The following SYN2 variants were observed in gnomAD, a reference collection of about 807,000 sequenced individuals.
SYN2 encodes the protein synapsin-2.
A neutral mutation model predicts 50.9 loss-of-function variants in SYN2; 19 were observed. The ratio of observed to expected loss-of-function variants is 0.37; its 90% CI spans 0.26 to 0.55. The LOEUF is 0.55. Among genes scored for constraint, SYN2 ranks in the 20% least tolerant of loss-of-function variants. The pLI, the probability that SYN2 is intolerant of heterozygous loss-of-function variation, is 0.81. For missense variants in SYN2, 587 were observed against 576.4 expected (o/e 1.02, Z -0.19); for synonymous variants, 255 against 224.9 (o/e 1.13, Z -1.20).
intron 10 of SYN2, among the ~76,000 whole-genome samples, chr3:12,174,452 C>T (rs1242763897): frequency 5.9e-5 from 9 of 152,070 alleles, no homozygotes; most frequent in Admixed American, 2.0e-4. Context: ...TTGTATTAGG[C>T]TGTGCTCTCT....
At chr3:12,009,498 A>G (rs1275642533) in intron 1 of SYN2, among the ~76,000 whole-genome samples, 4 of 152,250 alleles carry the variant, frequency 2.6e-5, no homozygotes, top group Admixed American at 6.5e-5. Context: ...CATCTAGCCT[A>G]GAGAAATGGA....
chr3:12,130,683 C>T (rs1391667329), intron 1 of SYN2, among the ~76,000 whole-genome samples: 1 of 152,178 alleles, frequency 6.6e-6, no homozygotes, highest in Non-Finnish European at 1.5e-5. Context: ...AATTAACTGT[C>T]ATAGATGTGC....
At chr3:12,076,117 A>AT (rs1574926271) in intron 1 of SYN2, among the ~76,000 whole-genome samples, 1 of 152,154 alleles carries the variant, frequency 6.6e-6, no homozygotes, top group East Asian at 1.9e-4. Context: ...ACTAGAATAT[A>AT]TGCCTGACTC....
At chr3:12,050,137 G>A (rs77229047) in intron 1 of SYN2, among the ~76,000 whole-genome samples, 13,724 of 152,014 alleles carry the variant, frequency 0.09, 2,033 homozygotes, top group African/African-American at 0.31. Flanking sequence ...ATGACCTCAG[G>A]CGATTCACCC....
intron 1 of SYN2, among the ~76,000 whole-genome samples, chr3:12,044,177 T>TCACA: frequency 1.6e-5 from 1 of 60,662 alleles, no homozygotes; most frequent in Non-Finnish European, 4.1e-5. Flanking sequence ...TCTCTCTCTC[T>TCACA]CTCTCACACA....
intron 1 of SYN2, among the ~76,000 whole-genome samples, chr3:12,119,939 C>G (rs1696516450): frequency 6.6e-6 from 1 of 152,118 alleles, no homozygotes; most frequent in Non-Finnish European, 1.5e-5. Context: ...TCATAGACCC[C>G]TGAAGCTAGA....
intron 3 of SYN2, among the ~76,000 whole-genome samples, chr3:12,144,678 A>C (rs1697104063): frequency 6.6e-6 from 1 of 152,216 alleles, no homozygotes; most frequent in African/African-American, 2.4e-5. Flanking sequence ...CTTAGCCCAG[A>C]GGAGAGAGGA....
At chr3:12,153,923 G>A (rs1697378099) in intron 5 of SYN2, among the ~76,000 whole-genome samples, 1 of 152,214 alleles carries the variant, frequency 6.6e-6, no homozygotes, top group Non-Finnish European at 1.5e-5. Context: ...GAGTCAGACA[G>A]CTCTGAGGGT....
intron 1 of SYN2, among the ~76,000 whole-genome samples, chr3:12,084,480 T>C (rs1695649505): frequency 1.3e-5 from 2 of 152,110 alleles, no homozygotes; most frequent in Non-Finnish European, 2.9e-5. Context: ...AGACAAAAAC[T>C]GAGGGAATTT....
chr3:12,006,071 A>G (rs937470837), intron 1 of SYN2, among the ~76,000 whole-genome samples: 26 of 151,728 alleles, frequency 1.7e-4, no homozygotes, highest in African/African-American at 6.0e-4. Context: ...GTGCACAGAG[A>G]GACCACAGAG....
At chr3:12,116,920 T>A (rs1354970333) in intron 1 of SYN2, among the ~76,000 whole-genome samples, 1 of 152,104 alleles carries the variant, frequency 6.6e-6, no homozygotes, top group Non-Finnish European at 1.5e-5. Flanking sequence ...CAGCTAATTT[T>A]TTATTTTTTT....
intron 1 of SYN2, among the ~76,000 whole-genome samples, chr3:12,013,852 T>G (rs1315737781): frequency 6.6e-6 from 1 of 152,240 alleles, no homozygotes; most frequent in Non-Finnish European, 1.5e-5. Context: ...ATTATTTCCA[T>G]GTCCAGACTT....
At chr3:12,027,037 G>T (rs190970487) in intron 1 of SYN2, among the ~76,000 whole-genome samples, 1,658 of 152,256 alleles carry the variant, frequency 0.011, 20 homozygotes, top group Non-Finnish European at 0.017. Flanking sequence ...GTAGGAGAGT[G>T]GGGGGAGGCT....
chr3:12,092,267 T>G lies in SYN2; in HGVS notation c.378-48384T>G, dbSNP rs531187226. On this transcript the variant is annotated intron_variant, in intron 1 of 12. Coordinates refer to ENST00000621198, the MANE Select transcript of SYN2 (RefSeq NM_133625.6). ...GTTCAAACTTTCCTCGCTATACTTT[T>G]AAGCATAATTTCTAAAGATAATTAG... Among the ~76,000 whole-genome samples, 255 of 152,348 alleles carry G rather than the reference T, an allele frequency of 1.7e-3. 1 individual carries two copies. The highest frequency in any genetic ancestry group is 5.9e-3 in the African/African-American group (244 of 41,592).
At chr3:12,160,723 A>T (rs904463091) in intron 5 of SYN2, among the ~76,000 whole-genome samples, 11 of 152,248 alleles carry the variant, frequency 7.2e-5, no homozygotes, top group Non-Finnish European at 1.3e-4. Flanking sequence ...TCCGTGGCAG[A>T]AGAGGACTAG....
intron 5 of SYN2, among the ~76,000 whole-genome samples, chr3:12,151,993 TC>T (rs566354455): frequency 7.6e-4 from 116 of 152,212 alleles, no homozygotes; most frequent in African/African-American, 2.6e-3. Context: ...GAGCTCAAAC[TC>T]CCTTCTTCTT....
At chr3:12,070,488 A>T (rs1695326298) in intron 1 of SYN2, 22 of 645,382 alleles carry the variant, frequency 3.4e-5, no homozygotes, top group South Asian at 2.8e-4. Flanking sequence ...CATGAAGAAG[A>T]TTTGGCACCA....
chr3:12,154,588 G>A, intron 5 of SYN2: 1 of 844,038 alleles, frequency 1.2e-6, no homozygotes, highest in Non-Finnish European at 1.8e-6. Context: ...CTCAGTGAAG[G>A]GACCAATAAA....
chr3:12,131,979 G>A (rs186842165), intron 1 of SYN2, among the ~76,000 whole-genome samples: 1 of 149,454 alleles, frequency 6.7e-6, no homozygotes, highest in African/African-American at 2.5e-5. Context: ...TGCTCTCTCT[G>A]ATTTTTTTCT....
Sources: allele counts gnomAD v4.1 joint callset (sites outside exome capture counted in the v4.1 genomes callset), GRCh38; gene constraint gnomAD v4.1.1; transcripts MANE v1.5; gene names NCBI Gene and HGNC (gene_info 2026-07-23, HGNC 2026-07-21).